The following SPMIP2 variants were observed in gnomAD, a reference collection of about 807,000 sequenced individuals.
The protein encoded by SPMIP2 is protein SPMIP2.
the SPMIP2 span, among the ~76,000 whole-genome samples, chr4:159,060,731 A>G: frequency 2.0e-5 from 3 of 152,186 alleles, no homozygotes; most frequent in Admixed American, 6.5e-5. Context: ...CTATTTGTGA[A>G]ATAGCTTAAC....
the SPMIP2 span, among the ~76,000 whole-genome samples, chr4:158,917,964 C>G: frequency 6.6e-6 from 1 of 152,020 alleles, no homozygotes; most frequent in South Asian, 2.1e-4. Context: ...GGTGATCCAC[C>G]CACCTCGGCC....
At chr4:159,073,792 G>A in the SPMIP2 span, among the ~76,000 whole-genome samples, 3 of 152,110 alleles carry the variant, frequency 2.0e-5, no homozygotes, top group East Asian at 3.9e-4. Flanking sequence ...ACCTGAGGTC[G>A]GGAGTTCAAG....
chr4:158,985,863 T>A, the SPMIP2 span, among the ~76,000 whole-genome samples: 12 of 151,868 alleles, frequency 7.9e-5, no homozygotes, highest in African/African-American at 9.7e-5. Flanking sequence ...TGCAGATGAC[T>A]TGATTGTATA....
the SPMIP2 span, among the ~76,000 whole-genome samples, chr4:158,898,820 CTTTA>C: frequency 6.6e-6 from 1 of 152,146 alleles, no homozygotes; most frequent in Non-Finnish European, 1.5e-5. Flanking sequence ...TTTGAATACG[CTTTA>C]TTTCTTTCTC....
the SPMIP2 span, among the ~76,000 whole-genome samples, chr4:158,897,194 G>T: frequency 6.6e-6 from 1 of 152,176 alleles, no homozygotes; most frequent in Non-Finnish European, 1.5e-5. Flanking sequence ...TGGTTGCATA[G>T]TATTCCATGG....
At chr4:159,055,681 G>A in the SPMIP2 span, among the ~76,000 whole-genome samples, 1 of 152,142 alleles carries the variant, frequency 6.6e-6, no homozygotes, top group African/African-American at 2.4e-5. Context: ...CTGCACTCCA[G>A]CCTGGGTGAC....
the SPMIP2 span, chr4:159,007,033 C>A: frequency 4.6e-6 from 2 of 431,812 alleles, no homozygotes; most frequent in Non-Finnish European, 9.0e-6. Context: ...GTTTTGATGC[C>A]GGCAGTATTT....
chr4:159,074,274 G>A, the SPMIP2 span, among the ~76,000 whole-genome samples: 3 of 152,054 alleles, frequency 2.0e-5, no homozygotes, highest in Non-Finnish European at 4.4e-5. Context: ...TACTATAGAT[G>A]CTGTATGCTC....
At chr4:158,921,725 T>C in the SPMIP2 span, among the ~76,000 whole-genome samples, 97,066 of 151,952 alleles carry the variant, frequency 0.64, 31,435 homozygotes, top group East Asian at 0.89. Flanking sequence ...CTCTAGTTCC[T>C]TTTCATGGAG....
At chr4:159,013,311 G>C in the SPMIP2 span, among the ~76,000 whole-genome samples, 1 of 152,186 alleles carries the variant, frequency 6.6e-6, no homozygotes, top group East Asian at 1.9e-4. Context: ...ATTCACAATA[G>C]CCAAGAGGTA....
At chr4:159,063,704 G>A in the SPMIP2 span, among the ~76,000 whole-genome samples, 529 of 152,094 alleles carry the variant, frequency 3.5e-3, 7 homozygotes, top group African/African-American at 0.012. Context: ...AAAGACGGCC[G>A]AAAGCGTGTT....
At chr4:158,939,853 A>T in the SPMIP2 span, among the ~76,000 whole-genome samples, 1 of 152,012 alleles carries the variant, frequency 6.6e-6, no homozygotes, top group African/African-American at 2.4e-5. Flanking sequence ...ACAAAAAAAC[A>T]AAAGGATCCT....
chr4:159,082,449 C>CTGTGTGTGTGTGTGTGTGTGTG, the SPMIP2 span, among the ~76,000 whole-genome samples: 2 of 111,604 alleles, frequency 1.8e-5, no homozygotes, highest in South Asian at 3.0e-4. Context: ...CCACTTTTCT[C>CTGTGTGTGTGTGTGTGTGTGTG]TGTGTGTGTG....
At chr4:159,014,296 T>C in the SPMIP2 span, among the ~76,000 whole-genome samples, 1 of 151,842 alleles carries the variant, frequency 6.6e-6, no homozygotes, top group East Asian at 1.9e-4. Flanking sequence ...CTACTAAAAA[T>C]ACAAAAATTA....
At chr4:158,934,832 C>G in the SPMIP2 span, among the ~76,000 whole-genome samples, 1 of 152,146 alleles carries the variant, frequency 6.6e-6, no homozygotes, top group South Asian at 2.1e-4. Context: ...AGCTATCTCA[C>G]CACCCCCAGC....
chr4:158,947,509 T>C, the SPMIP2 span, among the ~76,000 whole-genome samples: 1 of 152,232 alleles, frequency 6.6e-6, no homozygotes, highest in Non-Finnish European at 1.5e-5. Context: ...TAGCTTTATA[T>C]TGCAATTTGT....
the SPMIP2 span, among the ~76,000 whole-genome samples, chr4:158,933,267 T>C: frequency 6.6e-6 from 1 of 152,224 alleles, no homozygotes; most frequent in African/African-American, 2.4e-5. Context: ...AGTGCTGGGA[T>C]TGCAAATGTG....
At chr4:158,943,572 A>AT in the SPMIP2 span, among the ~76,000 whole-genome samples, 8 of 151,896 alleles carry the variant, frequency 5.3e-5, no homozygotes, top group Admixed American at 2.6e-4. Flanking sequence ...TTTTACCACC[A>AT]TTTTTTTTAA....
chr4:158,954,792 A>G, the SPMIP2 span, among the ~76,000 whole-genome samples: 1 of 152,232 alleles, frequency 6.6e-6, no homozygotes, highest in African/African-American at 2.4e-5. Context: ...AAGGCCTAGA[A>G]GATAGGGTGG....
Sources: allele counts gnomAD v4.1 joint callset (sites outside exome capture counted in the v4.1 genomes callset), GRCh38; gene constraint gnomAD v4.1.1; transcripts MANE v1.5; gene names NCBI Gene and HGNC (gene_info 2026-07-23, HGNC 2026-07-21).